Variants in SEM1 observed in about 807,000 individuals in gnomAD.
SEM1 encodes the protein 26S proteasome complex subunit SEM1.
Under a neutral mutation model 12.7 loss-of-function variants are expected in SEM1, and 3 were observed. The ratio of observed to expected loss-of-function variants is 0.24; its 90% CI spans 0.11 to 0.61. The LOEUF (loss-of-function observed/expected upper bound fraction) is 0.61. SEM1 is among the 20% of genes least tolerant of loss of function. The probability of loss-of-function intolerance (pLI) is 0.88; values close to 1 mark genes in which losing one functional copy is unlikely to be tolerated. For missense variants in SEM1, 59 were observed against 81.3 expected (o/e 0.73, Z 1.06); for synonymous variants, 30 against 27.8 (o/e 1.08, Z -0.25).
At chr7:96,662,009 A>AAAAAAAAAAAAAAAAAAAAAAAAAAAAAT (rs1554431166) in intron 2 of SEM1, among the ~76,000 whole-genome samples, 1 of 140,460 alleles carries the variant, frequency 7.1e-6, no homozygotes, top group Non-Finnish European at 1.5e-5. Context: ...AAAAAAAAAA[A>AAAAAAAAAAAAAAAAAAAAAAAAAAAAAT]AGTCAGCAAA....
intron 2 of SEM1, among the ~76,000 whole-genome samples, chr7:96,596,484 G>A (rs1213122144): frequency 6.6e-6 from 1 of 152,168 alleles, no homozygotes; most frequent in Admixed American, 6.5e-5. Flanking sequence ...CATTAAGTCG[G>A]TCCAATTCAG....
chr7:96,600,233 A>G lies in SEM1; in HGVS notation c.171-93535T>C, dbSNP rs183441178. On this transcript the variant is annotated intron_variant and NMD_transcript_variant, in intron 2 of 3. Transcript: ENST00000466986. ...TGAAAAGGTTAATTCTTATGTAGCA[A>G]CAGCAGTATTTTTAAGTGAGGGAGA... Among the ~76,000 whole-genome samples the G allele has an allele frequency of 7.2e-5, 11 of 152,344 alleles. No individual in the cohort carries two copies. The East Asian group carries it at 1.9e-3, about 27-fold the overall frequency.
intron 2 of SEM1, among the ~76,000 whole-genome samples, chr7:96,632,788 T>G (rs571722403): frequency 1.2e-4 from 18 of 149,806 alleles, no homozygotes; most frequent in African/African-American, 3.2e-4. Context: ...TTTTTTGTTT[T>G]TTTTTTTTTT....
Position 96,667,901 on chromosome 7 carries a change from C to T in SEM1, c.170+26897G>A, listed in dbSNP as rs887584663. On this transcript the variant is annotated intron_variant, in intron 2 of 2. Transcript: ENST00000417009. ...CTTCCTGTTTGTGTAACACCAATATCGTTCTTTATCTGCCATGTCTCTATC... is the reference window on the plus strand; with the variant it reads ...CTTCCTGTTTGTGTAACACCAATATTGTTCTTTATCTGCCATGTCTCTATC... 4.6e-5 allele frequency among the ~76,000 whole-genome samples: 7 copies of T among 152,192 alleles called. No homozygotes were observed. In the East Asian group the frequency reaches 1.2e-3, roughly 25 times the overall value.
At chr7:96,625,029 C>T (rs1037281252) in intron 2 of SEM1, among the ~76,000 whole-genome samples, 1 of 152,086 alleles carries the variant, frequency 6.6e-6, no homozygotes, top group African/African-American at 2.4e-5. Flanking sequence ...CGTTATTTAT[C>T]AGGACTCTAT....
intron 2 of SEM1, among the ~76,000 whole-genome samples, chr7:96,509,451 A>G (rs975676698): frequency 4.6e-5 from 7 of 152,186 alleles, no homozygotes; most frequent in East Asian, 3.9e-4. Context: ...TATTTGATGT[A>G]TGATGAGTTA....
intron 2 of SEM1, among the ~76,000 whole-genome samples, chr7:96,511,730 T>G (rs1405435139): frequency 1.3e-5 from 2 of 152,160 alleles, no homozygotes; most frequent in Non-Finnish European, 2.9e-5. Flanking sequence ...GATGGTAGCA[T>G]GAAGAGTAAG....
intron 1 of SEM1, among the ~76,000 whole-genome samples, chr7:96,708,888 T>A (rs751282667): frequency 7.9e-5 from 12 of 152,220 alleles, no homozygotes; most frequent in Non-Finnish European, 1.6e-4. Flanking sequence ...ACTCAATAAA[T>A]GTTAGCAATT....
At chr7:96,543,872 T>A (rs1805026838) in intron 2 of SEM1, among the ~76,000 whole-genome samples, 1 of 152,068 alleles carries the variant, frequency 6.6e-6, no homozygotes, top group African/African-American at 2.4e-5. Context: ...ACCCTTCATT[T>A]AGCTAAGAAG....
At chr7:96,483,593 T>C (rs1361277726) in exon 4 of SEM1, 2 of 443,030 alleles carry the variant, frequency 4.5e-6, no homozygotes, top group African/African-American at 4.0e-5. Context: ...ACCAGCCTGT[T>C]GGAGAAGTCA....
At chr7:96,641,845 GA>G (rs1468092761) in intron 2 of SEM1, among the ~76,000 whole-genome samples, 2 of 151,628 alleles carry the variant, frequency 1.3e-5, no homozygotes, top group Admixed American at 1.3e-4. Flanking sequence ...ATTAAGGTTT[GA>G]ACAGATCTTT....
chr7:96,553,152 C>T (rs930124447), intron 2 of SEM1, among the ~76,000 whole-genome samples: 4 of 151,688 alleles, frequency 2.6e-5, no homozygotes, highest in African/African-American at 9.7e-5. Context: ...GTTGCCTGTT[C>T]ACTCTGATGG....
chr7:96,569,578 G>T lies in SEM1; in HGVS notation c.171-62880C>A, dbSNP rs566402626. Among the ~76,000 whole-genome samples the T allele has an allele frequency of 5.4e-4, 82 of 151,928 alleles. No homozygotes were observed. The South Asian group carries it at 8.1e-3, about 15-fold the overall frequency. On this transcript the variant is annotated intron_variant and NMD_transcript_variant, in intron 2 of 3. Transcript: ENST00000466986. ...ATTTTTATTCTTATAGATACAGGGG[G>T]TACAAGTGCAGATTTCTTACATGTA... is the stretch of plus-strand genomic sequence containing the variant.
chr7:96,625,515 T>C (rs1168334120), intron 2 of SEM1, among the ~76,000 whole-genome samples: 1 of 152,196 alleles, frequency 6.6e-6, no homozygotes, highest in African/African-American at 2.4e-5. Context: ...TACTCCCTAG[T>C]GTTGTCACTG....
At chr7:96,531,779 A>G (rs896884227) in intron 2 of SEM1, among the ~76,000 whole-genome samples, 3 of 152,124 alleles carry the variant, frequency 2.0e-5, no homozygotes, top group Non-Finnish European at 4.4e-5. Context: ...TTAATATGGC[A>G]AGAATCTAGA....
intron 2 of SEM1, among the ~76,000 whole-genome samples, chr7:96,585,452 C>A (rs1304814749): frequency 7.3e-6 from 1 of 137,366 alleles, no homozygotes; most frequent in Non-Finnish European, 1.6e-5. Context: ...GAGGTGGAGC[C>A]TACAGAGGCA....
chr7:96,555,819 G>A (rs1306499637), intron 2 of SEM1, among the ~76,000 whole-genome samples: 2 of 148,478 alleles, frequency 1.3e-5, no homozygotes, highest in Non-Finnish European at 3.0e-5. Context: ...TAACGTGTGG[G>A]AGTCTAAGTC....
intron 2 of SEM1, among the ~76,000 whole-genome samples, chr7:96,581,451 C>T (rs1348876622): frequency 5.3e-5 from 8 of 151,610 alleles, no homozygotes; most frequent in African/African-American, 9.7e-5. Flanking sequence ...CTTGGCGATG[C>T]GGGCTCTTTT....
At chr7:96,495,773 C>T (rs1405614736) in intron 1 of SEM1, among the ~76,000 whole-genome samples, 1 of 152,118 alleles carries the variant, frequency 6.6e-6, no homozygotes, top group East Asian at 1.9e-4. Flanking sequence ...AAACATACCC[C>T]TCGTGGCTGG....
Sources: gnomAD v4.1 joint callset for allele counts (sites outside exome capture counted in the v4.1 genomes callset) on GRCh38, gnomAD v4.1.1 for gene constraint, MANE v1.5 for transcripts, NCBI Gene and HGNC (gene_info 2026-07-23, HGNC 2026-07-21) for gene names.